Variants in SLCO3A1 observed in about 807,000 individuals in gnomAD.
SLCO3A1 encodes the protein solute carrier organic anion transporter family member 3A1.
A neutral mutation model predicts 63.1 loss-of-function variants in SLCO3A1; 27 were observed. The ratio of observed to expected loss-of-function variants is 0.43; its 90% CI spans 0.32 to 0.59. SLCO3A1 has a LOEUF of 0.59. SLCO3A1 is among the 20% of genes least tolerant of loss of function. The probability of loss-of-function intolerance (pLI) is 0.09; values close to 1 mark genes in which losing one functional copy is unlikely to be tolerated. For missense variants in SLCO3A1, 773 were observed against 945.8 expected, an observed-to-expected ratio of 0.82 and a Z score of 2.40; for synonymous variants, 473 against 409.9, an observed-to-expected ratio of 1.15 and a Z score of -1.86.
At chr15:92,042,571 A>G (rs1467308930) in intron 2 of SLCO3A1, among the ~76,000 whole-genome samples, 1 of 152,180 alleles carries the variant, frequency 6.6e-6, no homozygotes, top group African/African-American at 2.4e-5. Context: ...AGCACACAGA[A>G]AAATCCAGCA....
At chr15:92,170,074 T>G (rs2048513356), downstream of SLCO3A1, among the ~76,000 whole-genome samples, 1 of 152,250 alleles carries the variant, frequency 6.6e-6, no homozygotes, top group African/African-American at 2.4e-5. Context: ...TTTAACTTTC[T>G]GTAGGTGGAC....
chr15:92,128,585 C>CT (rs1315953961), intron 7 of SLCO3A1, 96 bp downstream of exon 7: 1 of 1,133,542 alleles, frequency 8.8e-7, no homozygotes, highest in Non-Finnish European at 1.2e-6. Context: ...TTCCCTGTGA[C>CT]TTTTTCTTAG....
chr15:92,171,891 A>T (rs1445167134), exon 11 of SLCO3A1: 1 of 1,517,328 alleles, frequency 6.6e-7, no homozygotes, highest in African/African-American at 1.4e-5. Flanking sequence ...CTTCCTGGAG[A>T]GAACAGCCCA....
chr15:92,003,196 C>G (rs900039685), intron 2 of SLCO3A1, among the ~76,000 whole-genome samples: 4 of 152,182 alleles, frequency 2.6e-5, no homozygotes, highest in African/African-American at 9.7e-5. Flanking sequence ...ATTGCTATAT[C>G]TCTCTAGTGC....
intron 1 of SLCO3A1, among the ~76,000 whole-genome samples, chr15:91,915,386 G>A (rs919888456): frequency 6.6e-6 from 1 of 152,194 alleles, no homozygotes; most frequent in Non-Finnish European, 1.5e-5. Flanking sequence ...ACAGTCAGGG[G>A]TGTATTTACC....
chr15:92,169,382 C>A (rs2151609124), downstream of SLCO3A1, among the ~76,000 whole-genome samples: 1 of 152,332 alleles, frequency 6.6e-6, no homozygotes, highest in Admixed American at 6.5e-5. Context: ...TCCCTCCCCA[C>A]CTTTAGACAC....
In SLCO3A1 at chr15:91,866,860, A is replaced by G. The variant is rs139708503; in HGVS notation, c.180+12772A>G. 4.3e-3 allele frequency among the ~76,000 whole-genome samples: 656 copies of G among 152,256 alleles called. 8 individuals are homozygous for G. The highest frequency in any genetic ancestry group is 0.015 in the African/African-American group (623 of 41,540). On this transcript the variant is annotated intron_variant, in intron 1 of 9. Coordinates refer to ENST00000318445, the MANE Select transcript of SLCO3A1 (RefSeq NM_013272.4). ...TACAATAGACCAGACTAAAAATAGA[A>G]GCAAAGCATTGGGCCAGGGTGGGAG...
chr15:92,065,562 A>G (rs2151510257), intron 2 of SLCO3A1, among the ~76,000 whole-genome samples: 1 of 152,270 alleles, frequency 6.6e-6, no homozygotes, highest in Non-Finnish European at 1.5e-5. Context: ...TGCAAGGAAA[A>G]AAGGAGGCTA....
At position 91,860,776 on chromosome 15, in the gene SLCO3A1, C is replaced by T. The variant is rs764594563; in HGVS notation, c.180+6688C>T. Among the ~76,000 whole-genome samples the T allele has an allele frequency of 3.3e-5, 5 of 152,238 alleles. No individual in the cohort carries two copies. Among genetic ancestry groups the T allele is most frequent in the Admixed American group, 6.5e-5 (1 of 15,290 alleles). On this transcript the variant is annotated intron_variant, in intron 1 of 9. Coordinates refer to ENST00000318445, the MANE Select transcript of SLCO3A1 (RefSeq NM_013272.4). This position sits in a 1 kb window ranked among gnomAD's most constrained non-coding sequence, Gnocchi z 5.5. Reference sequence around the variant, plus strand: ...GTTGCCCAGAGGGGCTCAGGTCTCACGTCTTGTCTGCTGCCTTCACCTCGT... The same window carrying T: ...GTTGCCCAGAGGGGCTCAGGTCTCATGTCTTGTCTGCTGCCTTCACCTCGT...
At position 91,935,720 on chromosome 15, in the gene SLCO3A1, T is replaced by C. The variant is rs142118528; in HGVS notation, c.646+19262T>C. 3.5e-3 allele frequency among the ~76,000 whole-genome samples: 531 copies of C among 152,340 alleles called. 4 individuals carry two copies. The highest frequency in any genetic ancestry group is 0.013 in the African/African-American group (520 of 41,574). On this transcript the variant is annotated intron_variant, in intron 2 of 9. Coordinates refer to ENST00000318445, the MANE Select transcript of SLCO3A1 (RefSeq NM_013272.4). ...TGGGGAATCCTCAAGAGGTTTCACC[T>C]GCGTTGCAGAGACTGAGTTGCTGAG...
At position 91,863,429 on chromosome 15, in the gene SLCO3A1, A is replaced by G. The variant is rs1019704094; in HGVS notation, c.180+9341A>G. ...GCAGTGTAGTGGGATGGCCGTGAGT[A>G]CAACCACTGCCGGTTGTGACAGACA... is the stretch of plus-strand genomic sequence containing the variant. On this transcript the variant is annotated intron_variant, in intron 1 of 9. Coordinates refer to ENST00000318445, the MANE Select transcript of SLCO3A1 (RefSeq NM_013272.4). This position sits in a 1 kb window ranked among gnomAD's most constrained non-coding sequence, Gnocchi z 4.3. Among the ~76,000 whole-genome samples the G allele has an allele frequency of 6.6e-6, 1 of 152,232 alleles. No homozygotes were observed. Among genetic ancestry groups the G allele is most frequent in the Non-Finnish European group, 1.5e-5 (1 of 68,042 alleles).
In SLCO3A1 at chr15:92,002,107, G is replaced by A. The variant is rs534221832; in HGVS notation, c.646+85649G>A. On this transcript the variant is annotated intron_variant, in intron 2 of 9. Coordinates refer to ENST00000318445, the MANE Select transcript of SLCO3A1 (RefSeq NM_013272.4). ...AATCCATATTGAGCCCTTAGCTGCTGGAACTGAGGGTCTTAGCCCAGTGAG... is the reference window on the plus strand; with the variant it reads ...AATCCATATTGAGCCCTTAGCTGCTAGAACTGAGGGTCTTAGCCCAGTGAG... 4.0e-4 allele frequency among the ~76,000 whole-genome samples: 61 copies of A among 152,254 alleles called. No homozygotes were observed. In the South Asian group the frequency reaches 0.011, roughly 28 times the overall value.
chr15:92,116,736 G>C (rs759904150), intron 4 of SLCO3A1, among the ~76,000 whole-genome samples: 3 of 152,176 alleles, frequency 2.0e-5, no homozygotes, highest in African/African-American at 7.2e-5. Context: ...CTCAAACTAG[G>C]GTTTTGGAAG....
At chr15:92,057,701 C>A (rs1175553151) in intron 2 of SLCO3A1, among the ~76,000 whole-genome samples, 23 of 152,164 alleles carry the variant, frequency 1.5e-4, no homozygotes, top group Admixed American at 1.5e-3. Context: ...TCTCCTAGAA[C>A]CTCATGTGCC....
intron 2 of SLCO3A1, among the ~76,000 whole-genome samples, chr15:92,056,293 A>G (rs2047020582): frequency 1.3e-5 from 2 of 152,166 alleles, no homozygotes; most frequent in South Asian, 2.1e-4. Context: ...AGTGAATACA[A>G]TTCCTTGCTG....
At chr15:91,971,592 G>A (rs1191184195) in intron 2 of SLCO3A1, among the ~76,000 whole-genome samples, 1 of 151,902 alleles carries the variant, frequency 6.6e-6, no homozygotes, top group African/African-American at 2.4e-5. Context: ...CCTGTGATTT[G>A]CCTTACAGAG....
At chr15:92,053,016 A>G (rs1252542165) in intron 2 of SLCO3A1, among the ~76,000 whole-genome samples, 1 of 152,204 alleles carries the variant, frequency 6.6e-6, no homozygotes, top group Non-Finnish European at 1.5e-5. Flanking sequence ...AAAATAAACT[A>G]GATCCAGCCC....
chr15:92,041,514 C>A (rs2046796025), intron 2 of SLCO3A1, among the ~76,000 whole-genome samples: 1 of 152,118 alleles, frequency 6.6e-6, no homozygotes, highest in Non-Finnish European at 1.5e-5. Context: ...ACAGGGAAAG[C>A]AATGGTAGAC....
intron 2 of SLCO3A1, among the ~76,000 whole-genome samples, chr15:92,089,164 CT>C (rs909625112): frequency 2.0e-5 from 3 of 151,924 alleles, no homozygotes; most frequent in African/African-American, 4.8e-5. Context: ...TAGCTGTTGA[CT>C]ACAGGCACCT....
Sources: gnomAD v4.1 joint callset for allele counts (sites outside exome capture counted in the v4.1 genomes callset) on GRCh38, gnomAD v4.1.1 for gene constraint, Gnocchi (gnomAD v3.1) non-coding constraint, MANE v1.5 for transcripts, NCBI Gene and HGNC (gene_info 2026-07-23, HGNC 2026-07-21) for gene names.